ZNF420: variants seen among roughly 807,000 people sequenced by gnomAD.
ZNF420 encodes the protein ATM and p53-associated KZNF protein.
ZNF420 carries 31 observed loss-of-function variants against 44.7 expected under a neutral mutation model. The observed-to-expected ratio is 0.69, with a 90% CI of 0.52 to 0.94. The LOEUF is 0.94. ZNF420 is among the 40% of genes least tolerant of loss of function. ZNF420 has a pLI of 0.00. For missense variants in ZNF420, 681 were observed against 827.9 expected (o/e 0.82, Z 2.18); for synonymous variants, 245 against 267.4 (o/e 0.92, Z 0.82).
At chr19:37,045,217 G>A (rs1967522261) in intron 1 of ZNF420, among the ~76,000 whole-genome samples, 1 of 152,108 alleles carries the variant, frequency 6.6e-6, no homozygotes, top group African/African-American at 2.4e-5. Context: ...TAGTTCCAAA[G>A]TTATATATTT....
intron 4 of ZNF420, among the ~76,000 whole-genome samples, chr19:37,114,846 C>T (rs1970573127): frequency 6.6e-6 from 1 of 152,074 alleles, no homozygotes; most frequent in African/African-American, 2.4e-5. Context: ...GATGATTTTA[C>T]CCTCCCTACT....
intron 4 of ZNF420, among the ~76,000 whole-genome samples, chr19:37,126,307 T>G (rs1217316617): frequency 6.6e-6 from 1 of 152,050 alleles, no homozygotes; most frequent in African/African-American, 2.4e-5. Context: ...TCCAAAGAAA[T>G]GGAATAGGCT....
At chr19:37,106,623 A>C (rs1970100128) in intron 4 of ZNF420, 1 of 152,206 alleles carries the variant, frequency 6.6e-6, no homozygotes, top group Non-Finnish European at 1.5e-5. Context: ...CAGGGAGATC[A>C]CCTGAGGGCA....
intron 2 of ZNF420, among the ~76,000 whole-genome samples, chr19:37,083,072 G>T (rs1319981160): frequency 6.6e-6 from 1 of 151,740 alleles, no homozygotes; most frequent in Non-Finnish European, 1.5e-5. Flanking sequence ...TGTTGGCCAG[G>T]ATGGTCTCGA....
At chr19:37,060,331 G>A (rs1298217105) in intron 1 of ZNF420, among the ~76,000 whole-genome samples, 1 of 152,148 alleles carries the variant, frequency 6.6e-6, no homozygotes, top group East Asian at 1.9e-4. Flanking sequence ...CTGGGATGGG[G>A]ACACGGCAAG....
rs1568446955 is a variant in ZNF420, at chr19:37,087,300, AATAAAT to A, written c.-80-1737_-80-1732del. ...CCTGTCTCAAAAAAAAAAATAAATA[AATAAAT>A]AAATAAATAAATAAATAAATAAATA... On this transcript the variant is annotated intron_variant, in intron 2 of 4. Coordinates refer to ENST00000337995, the MANE Select transcript of ZNF420 (RefSeq NM_144689.5). 3.2e-3 allele frequency among the ~76,000 whole-genome samples: 405 copies of A among 126,902 alleles called. 4 individuals carry two copies. The highest frequency in any genetic ancestry group is 0.013 in the African/African-American group (391 of 29,018). The allele number at this position is 126,902 out of a possible 152,430, so 83.3% of individuals were successfully genotyped here. A position where few individuals can be genotyped will look rare whatever the true frequency, so the allele number is the denominator to read the frequency against.
intron 1 of ZNF420, among the ~76,000 whole-genome samples, chr19:37,064,927 C>T (rs932706757): frequency 1.3e-5 from 2 of 152,174 alleles, no homozygotes; most frequent in Non-Finnish European, 2.9e-5. Context: ...TGGGACCGGA[C>T]CCAGGGGGCC....
chr19:37,127,793 C>T lies in ZNF420; in HGVS notation c.802C>T (p.Leu268=), dbSNP rs755020848. 6.2e-7 allele frequency: 1 copy of T among 1,613,776 alleles called. No individual in the cohort carries two copies. Among genetic ancestry groups the T allele is most frequent in the African/African-American group, 1.3e-5 (1 of 74,872 alleles). Reference sequence around the variant, plus strand: ...CTTTACTCAGAATTCACAACTTACACTACACCAGAGACTTCATACTGGTGA... The same window carrying T: ...CTTTACTCAGAATTCACAACTTACATTACACCAGAGACTTCATACTGGTGA... ...KAFTQNSQLT[L]HQRLHTGEKL... Residue 268 remains leucine, a synonymous_variant, in exon 5 of 5, where the codon CTA becomes TTA. Coordinates refer to ENST00000337995, the MANE Select transcript of ZNF420 (RefSeq NM_144689.5).
At chr19:37,019,067 A>G (rs2074627974) in intron 1 of ZNF420, among the ~76,000 whole-genome samples, 1 of 152,232 alleles carries the variant, frequency 6.6e-6, no homozygotes, top group African/African-American at 2.4e-5. Flanking sequence ...AGACATCAGT[A>G]GATTTAAAGG....
chr19:37,065,698 CTGAACTTCT>C (rs1474018455), intron 1 of ZNF420, among the ~76,000 whole-genome samples: 1 of 152,236 alleles, frequency 6.6e-6, no homozygotes, highest in Non-Finnish European at 1.5e-5. Context: ...TCAGTGAGGT[CTGAACTTCT>C]TGACCTACAG....
Position 37,008,218 on chromosome 19 carries a change from C to CG in ZNF420, c.-125+144dup, listed in dbSNP as rs34655825. 801 of 295,320 alleles carry CG rather than the reference C, an allele frequency of 2.7e-3. 5 individuals carry two copies. Among genetic ancestry groups the CG allele is most frequent in the African/African-American group, 0.012 (501 of 42,628 alleles). The allele number at this position is 295,320 out of a possible 1,614,324, so 18.3% of individuals were successfully genotyped here. ...AGCCTCAGGAGTTGCCTGGGGCGGG[C>CG]GGGGGGGGATGTTTGTGTACCACTG... is the stretch of plus-strand genomic sequence containing the variant. On this transcript the variant is annotated intron_variant, in intron 1 of 4. Coordinates refer to the ZNF420 transcript ENST00000587029.
At chr19:37,046,449 G>A (rs960337545) in intron 1 of ZNF420, among the ~76,000 whole-genome samples, 1 of 151,896 alleles carries the variant, frequency 6.6e-6, no homozygotes. Context: ...TACTAGAATG[G>A]GTACATTAAT....
chr19:37,081,915 A>G (rs144145857), intron 2 of ZNF420, among the ~76,000 whole-genome samples: 1 of 151,988 alleles, frequency 6.6e-6, no homozygotes, highest in African/African-American at 2.4e-5. Flanking sequence ...CTACTGGTGA[A>G]TTGACCCCTT....
intron 4 of ZNF420, among the ~76,000 whole-genome samples, chr19:37,118,599 G>C (rs1970830351): frequency 6.6e-6 from 1 of 151,988 alleles, no homozygotes; most frequent in South Asian, 2.1e-4. Flanking sequence ...ATAATGACAG[G>C]ATCAAATTCA....
At chr19:37,115,303 T>C (rs1016686288) in intron 4 of ZNF420, 4 of 152,946 alleles carry the variant, frequency 2.6e-5, no homozygotes, top group African/African-American at 9.7e-5. Context: ...GAAAGAAAAG[T>C]GGGCCCAGGG....
chr19:37,103,690 C>T (rs887738668), intron 4 of ZNF420, among the ~76,000 whole-genome samples: 2 of 152,184 alleles, frequency 1.3e-5, no homozygotes, highest in Admixed American at 1.3e-4. Flanking sequence ...GCCCAGTACC[C>T]TCACTTGTAT....
rs1401553000 is a variant in ZNF420, at chr19:37,009,732, C to T, written c.-125+1650C>T. The stretch of plus-strand genomic sequence containing the variant: ...TTCAGGCCCATGGGATCTTTCTGTG[C>T]CCCAGCGAGGCCCTGCCTGCCTCAC... On this transcript the variant is annotated intron_variant, in intron 1 of 4. Coordinates refer to the ZNF420 transcript ENST00000587029. 2.6e-5 allele frequency among the ~76,000 whole-genome samples: 4 copies of T among 152,194 alleles called. No individual in the cohort carries two copies. The East Asian group carries it at 7.7e-4, about 29-fold the overall frequency.
intron 1 of ZNF420, among the ~76,000 whole-genome samples, chr19:37,031,542 G>A (rs1967257180): frequency 6.6e-6 from 1 of 151,958 alleles, no homozygotes; most frequent in Non-Finnish European, 1.5e-5. Flanking sequence ...GTCTCGCTCT[G>A]TCGCCCAGGC....
chr19:37,119,722 G>A (rs2145287369), intron 4 of ZNF420, among the ~76,000 whole-genome samples: 1 of 152,126 alleles, frequency 6.6e-6, no homozygotes, highest in East Asian at 1.9e-4. Context: ...TTGATAGACT[G>A]CTAGCAAGAC....
Sources: allele counts gnomAD v4.1 joint callset (sites outside exome capture counted in the v4.1 genomes callset), GRCh38; gene constraint gnomAD v4.1.1; transcripts MANE v1.5; gene names NCBI Gene and HGNC (gene_info 2026-07-23, HGNC 2026-07-21).